ADAM20: variants seen among roughly 807,000 people sequenced by gnomAD.
ADAM20 encodes ADAM metallopeptidase domain 20, also known as disintegrin and metalloproteinase domain-containing protein 20.
For synonymous variants in ADAM20, 305 were observed against 310.2 expected (o/e 0.98, Z 0.18); for missense variants, 871 against 883.2 (o/e 0.99, Z 0.18).
At chr14:70,530,400 G>A (rs917654846) in intron 1 of ADAM20, among the ~76,000 whole-genome samples, 9 of 152,034 alleles carry the variant, frequency 5.9e-5, no homozygotes, top group Non-Finnish European at 1.3e-4. Context: ...TTTACAGTTA[G>A]CTAACTTTTA....
chr14:70,560,528 T>A, the ADAM20 span, among the ~76,000 whole-genome samples: 1 of 151,934 alleles, frequency 6.6e-6, no homozygotes, highest in Non-Finnish European at 1.5e-5. Flanking sequence ...TAGAAAAAAA[T>A]TATAAAATTT....
intron 1 of ADAM20, among the ~76,000 whole-genome samples, chr14:70,527,361 T>C (rs1883612322): frequency 6.6e-6 from 1 of 152,176 alleles, no homozygotes; most frequent in Non-Finnish European, 1.5e-5. Context: ...TTGACTCAAC[T>C]GTCAGATTTA....
the ADAM20 span, chr14:70,557,234 A>C: frequency 6.6e-6 from 1 of 152,234 alleles, no homozygotes; most frequent in Non-Finnish European, 1.5e-5. Context: ...GATATTGGGC[A>C]AGTAAAAGAC....
chr14:70,576,438 T>TA, the ADAM20 span, among the ~76,000 whole-genome samples: 16 of 152,248 alleles, frequency 1.1e-4, no homozygotes, highest in Admixed American at 9.2e-4. Context: ...AAATTTTTTT[T>TA]AAAAAATCTG....
At position 70,524,548 on chromosome 14, in the gene ADAM20, C is replaced by T; in HGVS notation, c.210G>A (p.Gln70=). 2.5e-6 allele frequency: 4 copies of T among 1,614,022 alleles called. No individual in the cohort carries two copies. The East Asian group carries it at 6.7e-5, about 27-fold the overall frequency. Residue 70 remains glutamine, a synonymous_variant, in exon 2 of 2, where the codon CAG becomes CAA. Coordinates refer to ENST00000256389, the MANE Select transcript of ADAM20 (RefSeq NM_003814.5). ...WLSYSLRFGG[Q]RYIVHMRVNK... ...TTACCCTCATGTGGACAATGTATCT[C>T]TGTCCCCCAAACCGCAGGCTATAGG...
At chr14:70,569,859 G>A in the ADAM20 span, among the ~76,000 whole-genome samples, 4 of 104,912 alleles carry the variant, frequency 3.8e-5, no homozygotes, top group African/African-American at 7.2e-5. Context: ...GACAGCATTA[G>A]ACAGATCACT....
intron 1 of ADAM20, among the ~76,000 whole-genome samples, chr14:70,534,373 T>G (rs1268894871): frequency 2.0e-5 from 3 of 152,078 alleles, no homozygotes; most frequent in Non-Finnish European, 4.4e-5. Context: ...TTATCCAAAT[T>G]ATCAAAATCG....
In ADAM20 at chr14:70,524,148, T is replaced by C. The variant is rs1211266637; in HGVS notation, c.610A>G (p.Thr204Ala). The stretch of plus-strand genomic sequence containing the variant: ...ACCAGCTCAACAAACCGCTGATGGG[T>C]CCACCAGCCCACAAAAGAACTTTGC... ...LKQSSFVGWWTHQRFVELVVV... is the reference protein window; with the variant it reads ...LKQSSFVGWWAHQRFVELVVV... Residue 204 changes from threonine to alanine, a missense_variant, in exon 2 of 2, where the codon ACC becomes GCC. Transcript: ENST00000256389. 1 of 1,613,880 alleles carries C rather than the reference T, an allele frequency of 6.2e-7. No homozygotes were observed. The highest frequency in any genetic ancestry group is 8.5e-7 in the Non-Finnish European group (1 of 1,179,922).
chr14:70,573,695 T>A, the ADAM20 span, among the ~76,000 whole-genome samples: 1 of 152,200 alleles, frequency 6.6e-6, no homozygotes, highest in Non-Finnish European at 1.5e-5. Flanking sequence ...ATAGAAAAGA[T>A]ATTTCATGAA....
the ADAM20 span, among the ~76,000 whole-genome samples, chr14:70,540,382 G>A: frequency 3.3e-5 from 5 of 152,144 alleles, no homozygotes; most frequent in Non-Finnish European, 7.4e-5. Context: ...ATTTTTAAGG[G>A]AAAAGTAAAA....
At position 70,523,295 on chromosome 14, in the gene ADAM20, T is replaced by C. The variant is rs936126608; in HGVS notation, c.1463A>G (p.Asp488Gly). 1.9e-6 allele frequency: 3 copies of C among 1,614,010 alleles called. No individual in the cohort carries two copies. The highest frequency in any genetic ancestry group is 2.5e-6 in the Non-Finnish European group (3 of 1,179,946). ...GGAGATCCCGTCCTGCACATACACA[T>C]CATCTGGGCATTGATGGGATGTCCC... ...CNGTSHQCPD[D>G]VYVQDGISCN... is the part of the protein sequence containing the mutation. The change falls in exon 2 of 2, where the codon GAT becomes GGT. Residue 488 changes from aspartate (D) to glycine (G), a missense_variant. By Grantham distance (94) the Asp-to-Gly change is moderately conservative (BLOSUM62 -1). Transcript: ENST00000256389.
the ADAM20 span, among the ~76,000 whole-genome samples, chr14:70,575,217 C>T: frequency 6.6e-6 from 1 of 151,210 alleles, no homozygotes; most frequent in Non-Finnish European, 1.5e-5. Flanking sequence ...TTTTTTGAGG[C>T]AGAGTCTTGC....
intron 1 of ADAM20, among the ~76,000 whole-genome samples, chr14:70,532,502 G>A (rs1418013296): frequency 6.6e-6 from 1 of 152,054 alleles, no homozygotes; most frequent in Non-Finnish European, 1.5e-5. Flanking sequence ...AACAGCAAAG[G>A]AGACAATCAA....
chr14:70,522,423 TC>T lies in ADAM20; in HGVS notation c.*153del. 1 of 757,136 alleles carries T rather than the reference TC, an allele frequency of 1.3e-6. No homozygotes were observed. Among genetic ancestry groups the T allele is most frequent in the African/African-American group, 1.8e-5 (1 of 56,674 alleles). The allele number at this position is 757,136 out of a possible 1,614,324, so 46.9% of individuals were successfully genotyped here. On this transcript the variant is annotated 3_prime_UTR_variant, in exon 2 of 2. Coordinates refer to ENST00000256389, the MANE Select transcript of ADAM20 (RefSeq NM_003814.5). ...AGAGTAAGTAAGAATAGGCTAGGAA[TC>T]CTTTGCTGTGATAGCTAATGCTTGC...
chr14:70,553,109 T>A, the ADAM20 span, among the ~76,000 whole-genome samples: 1 of 38,306 alleles, frequency 2.6e-5, no homozygotes, highest in Admixed American at 3.3e-4. Flanking sequence ...AATTGAACAA[T>A]GAGATCACAT....
the ADAM20 span, among the ~76,000 whole-genome samples, chr14:70,576,610 A>C: frequency 3.3e-5 from 5 of 152,144 alleles, no homozygotes; most frequent in Non-Finnish European, 5.9e-5. Context: ...ACTCAAGATC[A>C]ACAGTGGATA....
At chr14:70,558,642 T>C in the ADAM20 span, among the ~76,000 whole-genome samples, 201 of 152,162 alleles carry the variant, frequency 1.3e-3, 5 homozygotes, top group Non-Finnish European at 4.3e-4. Context: ...CACAGTGTTC[T>C]TGGAAGTACA....
chr14:70,546,105 C>T, the ADAM20 span, among the ~76,000 whole-genome samples: 1 of 152,096 alleles, frequency 6.6e-6, no homozygotes, highest in Non-Finnish European at 1.5e-5. Flanking sequence ...TGAATGGCCA[C>T]TGTGATCAAT....
At chr14:70,534,720 GA>G (rs1368682444) in intron 1 of ADAM20, 76 bp downstream of exon 1, 1 of 152,192 alleles carries the variant, frequency 6.6e-6, no homozygotes, top group East Asian at 1.9e-4. Context: ...CATACAAGAT[GA>G]AAAAGTTCTA....
Sources: allele counts gnomAD v4.1 joint callset (sites outside exome capture counted in the v4.1 genomes callset), GRCh38; gene constraint gnomAD v4.1.1; transcripts MANE v1.5; gene names NCBI Gene and HGNC (gene_info 2026-07-23, HGNC 2026-07-21).